ZNF804A: variants seen among roughly 807,000 people sequenced by gnomAD.
ZNF804A encodes the protein zinc finger protein 804A.
Under a neutral mutation model 16.5 loss-of-function variants are expected in ZNF804A, and 2 were observed. The observed-to-expected ratio is 0.12, with a 90% CI of 0.05 to 0.38. ZNF804A has a LOEUF of 0.38. Among genes scored for constraint, ZNF804A ranks in the 10% least tolerant of loss-of-function variants. ZNF804A has a pLI of 0.99. For synonymous variants in ZNF804A, 534 were observed against 489.6 expected, an observed-to-expected ratio of 1.09 and a Z score of -1.20; for missense variants, 1,473 against 1,390.7, an observed-to-expected ratio of 1.06 and a Z score of -0.94.
chr2:184,611,022 C>A (rs939752213), intron 1 of ZNF804A, among the ~76,000 whole-genome samples: 1 of 152,150 alleles, frequency 6.6e-6, no homozygotes, highest in Admixed American at 6.5e-5. Context: ...GGCTTACATA[C>A]AACAGAAATG....
chr2:184,897,003 A>G (rs971924995), intron 2 of ZNF804A, among the ~76,000 whole-genome samples: 1 of 151,986 alleles, frequency 6.6e-6, no homozygotes, highest in Non-Finnish European at 1.5e-5. Context: ...GTTAATTCTG[A>G]CTTGAATTCC....
intron 1 of ZNF804A, among the ~76,000 whole-genome samples, chr2:184,674,466 C>A (rs900503779): frequency 6.6e-6 from 1 of 151,660 alleles, no homozygotes. Context: ...TGCAAAACAA[C>A]ATAATGACAT....
At chr2:184,789,139 A>G (rs561983003) in intron 1 of ZNF804A, among the ~76,000 whole-genome samples, 1 of 152,098 alleles carries the variant, frequency 6.6e-6, no homozygotes, top group East Asian at 1.9e-4. Context: ...GTGGATCATG[A>G]TTATTGTTTT....
At chr2:184,697,230 T>C (rs1259382561) in intron 1 of ZNF804A, among the ~76,000 whole-genome samples, 2 of 152,004 alleles carry the variant, frequency 1.3e-5, no homozygotes, top group African/African-American at 2.4e-5. Flanking sequence ...CAACAAATCA[T>C]AGAACTTGTG....
intron 1 of ZNF804A, among the ~76,000 whole-genome samples, chr2:184,776,610 A>G (rs79156711): frequency 6.6e-6 from 1 of 151,612 alleles, no homozygotes; most frequent in African/African-American, 2.4e-5. Context: ...CCATTGTCAT[A>G]AAAATAGTGA....
intron 1 of ZNF804A, among the ~76,000 whole-genome samples, chr2:184,664,667 C>T (rs1290391697): frequency 2.0e-5 from 3 of 152,194 alleles, no homozygotes; most frequent in East Asian, 3.9e-4. Context: ...CTGCATCATG[C>T]AGAGAAGAAT....
chr2:184,911,295 T>C (rs1685353477), intron 2 of ZNF804A, among the ~76,000 whole-genome samples: 1 of 151,954 alleles, frequency 6.6e-6, no homozygotes, highest in African/African-American at 2.4e-5. Context: ...TGCAGCTTTA[T>C]TCCTGGGTTT....
intron 1 of ZNF804A, among the ~76,000 whole-genome samples, chr2:184,787,597 G>T (rs1694468496): frequency 6.6e-6 from 1 of 151,644 alleles, no homozygotes; most frequent in African/African-American, 2.4e-5. Flanking sequence ...CATTTCTCTG[G>T]TGATTAGTGA....
chr2:184,775,694 C>T (rs1694275223), intron 1 of ZNF804A, among the ~76,000 whole-genome samples: 1 of 151,504 alleles, frequency 6.6e-6, no homozygotes, highest in South Asian at 2.1e-4. Context: ...TTTAATTATC[C>T]ACGGAAGCTT....
chr2:184,713,369 T>C (rs1693160348), intron 1 of ZNF804A, among the ~76,000 whole-genome samples: 1 of 151,928 alleles, frequency 6.6e-6, no homozygotes, highest in Non-Finnish European at 1.5e-5. Flanking sequence ...TATAGCTAAA[T>C]TGAATTTCAT....
At chr2:184,623,243 G>A (rs1009386770) in intron 1 of ZNF804A, among the ~76,000 whole-genome samples, 6 of 151,834 alleles carry the variant, frequency 4.0e-5, no homozygotes, top group Non-Finnish European at 7.4e-5. Flanking sequence ...AAAATACTGG[G>A]AAGTAATGGG....
At chr2:184,897,036 GTTGTACTATC>G (rs1685080129) in intron 2 of ZNF804A, among the ~76,000 whole-genome samples, 1 of 151,968 alleles carries the variant, frequency 6.6e-6, no homozygotes, top group Non-Finnish European at 1.5e-5. Context: ...AATTTCTCAT[GTTGTACTATC>G]TTTTTAATAT....
At chr2:184,883,758 G>C (rs148045951) in intron 2 of ZNF804A, among the ~76,000 whole-genome samples, 1 of 151,740 alleles carries the variant, frequency 6.6e-6, no homozygotes, top group Non-Finnish European at 1.5e-5. Context: ...ACACCCCTTC[G>C]CATTAAAAAC....
At chr2:184,661,606 A>G (rs950960833) in intron 1 of ZNF804A, among the ~76,000 whole-genome samples, 2 of 152,188 alleles carry the variant, frequency 1.3e-5, no homozygotes, top group Non-Finnish European at 2.9e-5. Context: ...GCACCATTCA[A>G]TTGGTTAAAA....
intron 1 of ZNF804A, among the ~76,000 whole-genome samples, chr2:184,696,880 G>C (rs1692839391): frequency 6.6e-6 from 1 of 151,714 alleles, no homozygotes; most frequent in Non-Finnish European, 1.5e-5. Flanking sequence ...GTAAATATTT[G>C]CTTGTTGCAA....
At position 184,936,661 on chromosome 2, in the gene ZNF804A, G is replaced by T; in HGVS notation, c.1265G>T (p.Cys422Phe). ...HKKTNFCKRQ[C>F]EPFVPVLNKH... is the part of the protein sequence containing the mutation. ...AAAACAAATTTCTGCAAAAGACAAT[G>T]TGAGCCATTTGTACCTGTCCTTAAC... Residue 422 changes from cysteine to phenylalanine, a missense_variant, in exon 4 of 4, where the codon TGT becomes TTT. By Grantham distance (205) the Cys-to-Phe change is radical. Coordinates refer to ENST00000302277, the MANE Select transcript of ZNF804A (RefSeq NM_194250.2). 1.2e-6 allele frequency: 2 copies of T among 1,614,036 alleles called. No individual in the cohort carries two copies. Among genetic ancestry groups the T allele is most frequent in the Non-Finnish European group, 1.7e-6 (2 of 1,179,944 alleles).
intron 1 of ZNF804A, among the ~76,000 whole-genome samples, chr2:184,631,779 A>T (rs985021999): frequency 1.3e-5 from 2 of 152,216 alleles, no homozygotes; most frequent in African/African-American, 4.8e-5. Context: ...ACTTTGATTT[A>T]TGAAACAAAA....
intron 1 of ZNF804A, among the ~76,000 whole-genome samples, chr2:184,704,072 A>G (rs1383845616): frequency 3.9e-5 from 6 of 152,192 alleles, no homozygotes; most frequent in Non-Finnish European, 7.3e-5. Context: ...ATTAAGATAC[A>G]ATTATACCTG....
At chr2:184,779,241 T>C (rs1221208637) in intron 1 of ZNF804A, among the ~76,000 whole-genome samples, 1 of 151,764 alleles carries the variant, frequency 6.6e-6, no homozygotes, top group Non-Finnish European at 1.5e-5. Context: ...TGAAGTTGGG[T>C]TGGCCTCTCA....
Sources: allele counts gnomAD v4.1 joint callset (sites outside exome capture counted in the v4.1 genomes callset), GRCh38; gene constraint gnomAD v4.1.1; transcripts MANE v1.5; gene names NCBI Gene and HGNC (gene_info 2026-07-23, HGNC 2026-07-21).